NECTIN3: variants seen among roughly 807,000 people sequenced by gnomAD.
The protein encoded by NECTIN3 is nectin cell adhesion molecule 3, also known as nectin-3.
A neutral mutation model predicts 49.4 loss-of-function variants in NECTIN3; 8 were observed. The ratio of observed to expected loss-of-function variants is 0.16; its 90% CI spans 0.10 to 0.29. NECTIN3 has a LOEUF of 0.29. NECTIN3 is among the 10% of genes least tolerant of loss of function. The pLI is 1.00. For synonymous variants in NECTIN3, 277 were observed against 241.1 expected (o/e 1.15, Z -1.38); for missense variants, 581 against 654.6 (o/e 0.89, Z 1.23).
At chr3:111,141,206 G>T (rs1302223495), downstream of NECTIN3, among the ~76,000 whole-genome samples, 2 of 151,794 alleles carry the variant, frequency 1.3e-5, no homozygotes. Flanking sequence ...ACATTAAAGG[G>T]GCTATTACAA....
Position 111,121,994 on chromosome 3 carries a change from T to C in NECTIN3, c.800-127T>C, listed in dbSNP as rs1016213905. The C allele has an allele frequency of 1.1e-5, 7 of 639,402 alleles. No homozygotes were observed. The South Asian group carries it at 1.2e-4, about 11-fold the overall frequency. The allele number at this position is 639,402 out of a possible 1,614,324, so 39.6% of individuals were successfully genotyped here. A position where few individuals can be genotyped will look rare whatever the true frequency, so the allele number is the denominator to read the frequency against. ...TAGTGTCTTCTGTATTGATTATACA[T>C]GTTGAGACTAAGGAAAAATGGTTCC... is the stretch of plus-strand genomic sequence containing the variant. On this transcript the variant is annotated intron_variant, in intron 3 of 5. Transcript: ENST00000485303.
chr3:111,100,626 A>T (rs537115061), intron 1 of NECTIN3, among the ~76,000 whole-genome samples: 65 of 152,206 alleles, frequency 4.3e-4, no homozygotes, highest in African/African-American at 1.4e-3. Flanking sequence ...CTGTAATATA[A>T]TTTTTGTGAT....
At chr3:111,167,041 T>C (rs1033875828) in intron 7 of NECTIN3, among the ~76,000 whole-genome samples, 6 of 152,196 alleles carry the variant, frequency 3.9e-5, no homozygotes, top group Non-Finnish European at 5.9e-5. Flanking sequence ...CTTTGTAAAA[T>C]TGAATGTCAG....
At chr3:111,129,506 T>C (rs1217678803) in intron 5 of NECTIN3, among the ~76,000 whole-genome samples, 1 of 152,172 alleles carries the variant, frequency 6.6e-6, no homozygotes, top group Non-Finnish European at 1.5e-5. Flanking sequence ...AATGAATAAA[T>C]TTGAGAATAA....
rs1361952411 is a variant in NECTIN3, at chr3:111,176,615, C to T, written c.1222-15736C>T. 5.3e-5 allele frequency among the ~76,000 whole-genome samples: 8 copies of T among 152,016 alleles called. No individual in the cohort carries two copies. In the East Asian group the frequency reaches 1.5e-3, roughly 29 times the overall value. On this transcript the variant is annotated intron_variant, in intron 7 of 8. Coordinates refer to the NECTIN3 transcript ENST00000493615. ...TCTCTTTGTATTTTACCTTCTTAAC[C>T]ATTATTAGGTTATTTTCCTTCAGAA...
chr3:111,164,215 T>C (rs540274743), intron 7 of NECTIN3, among the ~76,000 whole-genome samples: 73 of 152,292 alleles, frequency 4.8e-4, no homozygotes, highest in African/African-American at 1.6e-3. Context: ...TTGTCATCTT[T>C]TAAAAGTCTG....
At chr3:111,112,771 C>T (rs1029251371) in intron 2 of NECTIN3, among the ~76,000 whole-genome samples, 2 of 151,920 alleles carry the variant, frequency 1.3e-5, no homozygotes, top group South Asian at 4.2e-4. Context: ...CCATTGACAC[C>T]TCATGTTTTA....
At chr3:111,179,943 T>A (rs960970212) in intron 7 of NECTIN3, among the ~76,000 whole-genome samples, 3 of 151,706 alleles carry the variant, frequency 2.0e-5, no homozygotes, top group African/African-American at 7.3e-5. Flanking sequence ...TTGTATAATA[T>A]GTGATGGCAG....
Position 111,112,247 on chromosome 3 carries a change from C to T in NECTIN3, c.378C>T (p.Tyr126=). ...AGGGAAGAGTCTTGTTTAAAAATTA[C>T]TCACTTAATGATGCAACAATTACTC... ...EYQGRVLFKN[Y]SLNDATITLH... is the part of the protein sequence containing the mutation. Residue 126 remains tyrosine (Y), a synonymous_variant, in exon 2 of 6, where the codon TAC becomes TAT. Coordinates refer to ENST00000485303, the MANE Select transcript of NECTIN3 (RefSeq NM_015480.3). The T allele has an allele frequency of 6.2e-7, 1 of 1,613,584 alleles. No individual in the cohort carries two copies. Among genetic ancestry groups the T allele is most frequent in the South Asian group, 1.1e-5 (1 of 91,084 alleles).
intron 1 of NECTIN3, among the ~76,000 whole-genome samples, chr3:111,104,324 T>C (rs971603883): frequency 3.4e-5 from 5 of 148,350 alleles, no homozygotes; most frequent in African/African-American, 1.2e-4. Flanking sequence ...TTTTTTTTTT[T>C]TTTTTTTTTT....
rs531509132 is a variant in NECTIN3 at position 111,117,401 on chromosome 3, G to A, written c.503-1255G>A. Reference sequence around the variant, plus strand: ...ATTGAGGTAGGCAGGTTTTTAAGATGTAGTAGAGGAATATGAGGGACTTGT... The same window carrying A: ...ATTGAGGTAGGCAGGTTTTTAAGATATAGTAGAGGAATATGAGGGACTTGT... On this transcript the variant is annotated intron_variant, in intron 2 of 5. Transcript: ENST00000485303. Among the ~76,000 whole-genome samples the A allele has an allele frequency of 6.8e-4, 103 of 152,168 alleles. 1 individual carries two copies. Among genetic ancestry groups the A allele is most frequent in the African/African-American group, 2.5e-3 (103 of 41,576 alleles).
At chr3:111,150,201 T>C (rs1218402728) in intron 7 of NECTIN3, among the ~76,000 whole-genome samples, 1 of 152,006 alleles carries the variant, frequency 6.6e-6, no homozygotes, top group Non-Finnish European at 1.5e-5. Flanking sequence ...GTAATTTCAG[T>C]CTAGCAGCAA....
intron 1 of NECTIN3, among the ~76,000 whole-genome samples, chr3:111,109,104 G>T (rs1433611487): frequency 6.6e-6 from 1 of 152,078 alleles, no homozygotes; most frequent in African/African-American, 2.4e-5. Context: ...CTTTCTCACT[G>T]TTTCCTCACA....
chr3:111,116,203 CAG>C (rs371613271), intron 2 of NECTIN3, among the ~76,000 whole-genome samples: 363 of 152,040 alleles, frequency 2.4e-3, no homozygotes, highest in African/African-American at 8.3e-3. Flanking sequence ...GAAGAGCTCT[CAG>C]AGAGAGTTAT....
At chr3:111,192,521 T>A (rs1291765262) in intron 1 of NECTIN3, 10 of 1,102,420 alleles carry the variant, frequency 9.1e-6, no homozygotes, top group Non-Finnish European at 1.3e-5. Flanking sequence ...CTTTCCCCTA[T>A]TTGAGTGTCT....
chr3:111,153,962 C>T lies in NECTIN3; in HGVS notation c.1221+6478C>T, dbSNP rs1472793930. 2.6e-5 allele frequency among the ~76,000 whole-genome samples: 4 copies of T among 152,096 alleles called. No homozygotes were observed. In the East Asian group the frequency reaches 7.7e-4, roughly 29 times the overall value. ...GAATGGGCAGTACCTGTGATGACAG[C>T]TTTCTTCCTTTTTTAAGAAGAGCTT... On this transcript the variant is annotated intron_variant, in intron 7 of 8. Coordinates refer to the NECTIN3 transcript ENST00000493615.
intron 6 of NECTIN3, among the ~76,000 whole-genome samples, chr3:111,146,495 G>T (rs1398651895): frequency 1.3e-5 from 2 of 151,098 alleles, no homozygotes; most frequent in Non-Finnish European, 2.9e-5. Context: ...GATTATCTTG[G>T]TTTTTCTATA....
At chr3:111,193,498 T>C in intron 1 of NECTIN3, 1 of 1,148,426 alleles carries the variant, frequency 8.7e-7, no homozygotes, top group Non-Finnish European at 1.2e-6. Context: ...TCTAAGGGTA[T>C]TGGAAGTCTT....
In NECTIN3 at chr3:111,122,137, G is replaced by T; in HGVS notation, c.816G>T (p.Ser272=). ...ILDIQYAPEV[S]VTGYDGNWFV... The stretch of plus-strand genomic sequence containing the variant: ...ATTTTATAGATGCTCCTGAAGTTTC[G>T]GTAACAGGATATGATGGAAATTGGT... Residue 272 remains serine (S), a synonymous_variant, in exon 4 of 6, where the codon TCG becomes TCT. Coordinates refer to ENST00000485303, the MANE Select transcript of NECTIN3 (RefSeq NM_015480.3). The T allele has an allele frequency of 6.2e-7, 1 of 1,610,920 alleles. No homozygotes were observed. Among genetic ancestry groups the T allele is most frequent in the Non-Finnish European group, 8.5e-7 (1 of 1,177,626 alleles).
Sources: allele counts gnomAD v4.1 joint callset (sites outside exome capture counted in the v4.1 genomes callset), GRCh38; gene constraint gnomAD v4.1.1; transcripts MANE v1.5; gene names NCBI Gene and HGNC (gene_info 2026-07-23, HGNC 2026-07-21).